The following MSI1 variants were observed in gnomAD, a reference collection of about 807,000 sequenced individuals.
MSI1 encodes the protein RNA-binding protein Musashi homolog 1.
MSI1 carries 15 observed loss-of-function variants against 54.4 expected under a neutral mutation model. The ratio of observed to expected loss-of-function variants is 0.28; its 90% CI spans 0.18 to 0.42. MSI1 has a LOEUF of 0.42. Ranked by LOEUF, MSI1 falls within the 20% of genes least tolerant of loss-of-function variation. MSI1 has a pLI of 1.00. For synonymous variants in MSI1, 200 were observed against 196.5 expected, an observed-to-expected ratio of 1.02 and a Z score of -0.15; for missense variants, 304 against 506.0, an observed-to-expected ratio of 0.60 and a Z score of 3.83.
chr12:120,345,628 G>T lies in MSI1; in HGVS notation c.1052C>A (p.Pro351His). ...ATTGGTGAAGGCTGTGGCAATCAAA[G>T]GGCCCTGAAAAGGAAAGAATTTGAC... ...STGFGHSLGG[P>H]LIATAFTNGY... Residue 351 changes from proline to histidine, a missense_variant, in exon 14 of 15, where the codon CCT becomes CAT. Around this residue, in one of 4 missense-constraint regions of MSI1, gnomAD observed 147 missense variants for 231.5 expected, o/e 0.64. Transcript: ENST00000257552. 6.2e-7 allele frequency: 1 copy of T among 1,613,902 alleles called. No homozygotes were observed.
chr12:120,348,555 CT>C (rs34646438), intron 11 of MSI1, among the ~76,000 whole-genome samples: 12 of 148,396 alleles, frequency 8.1e-5, no homozygotes, highest in African/African-American at 1.7e-4. Context: ...CCAAAAATAT[CT>C]TTTTTTTTTT....
rs1875173785 is a variant in MSI1, at chr12:120,356,878, CCGCAGG to C, written c.652+18_652+23del. 1 of 1,605,268 alleles carries C rather than the reference CCGCAGG, an allele frequency of 6.2e-7. No individual in the cohort carries two copies. Among genetic ancestry groups the C allele is most frequent in the South Asian group, 1.1e-5 (1 of 90,938 alleles). Reference sequence around the variant, plus strand: ...TGGGAGCAGTTCTGGCAGAAAGAAGCCGCAGGCGCAGGCTCGCGCATACCCAGCATG... The same window carrying C: ...TGGGAGCAGTTCTGGCAGAAAGAAGCCGCAGGCTCGCGCATACCCAGCATG... On this transcript the variant is annotated intron_variant, in intron 9 of 14. Coordinates refer to ENST00000257552, the MANE Select transcript of MSI1 (RefSeq NM_002442.4).
intron 14 of MSI1, among the ~76,000 whole-genome samples, chr12:120,343,959 C>T (rs564502039): frequency 2.0e-5 from 3 of 152,230 alleles, no homozygotes; most frequent in African/African-American, 4.8e-5. Flanking sequence ...TGGGTTCAAG[C>T]GATTCTTGTC....
chr12:120,348,101 C>CACT (rs776138711), intron 11 of MSI1, among the ~76,000 whole-genome samples: 5 of 151,034 alleles, frequency 3.3e-5, no homozygotes, highest in Non-Finnish European at 5.9e-5. Flanking sequence ...CTCCTGAGAG[C>CACT]ACCCTAAGGG....
intron 11 of MSI1, 107 bp from the exon 12 acceptor site, chr12:120,347,621 A>G (rs1436193204): frequency 3.6e-6 from 5 of 1,381,756 alleles, no homozygotes; most frequent in Non-Finnish European, 5.1e-6. Flanking sequence ...CCTACCTCAG[A>G]GGGTTCCATG....
At chr12:120,358,441 C>T (rs1308732137) in intron 7 of MSI1, among the ~76,000 whole-genome samples, 2 of 152,218 alleles carry the variant, frequency 1.3e-5, no homozygotes, top group African/African-American at 4.8e-5. Flanking sequence ...ACATACCCCA[C>T]TCCCAAAATG....
At chr12:120,360,797 C>T (rs1354425979) in intron 6 of MSI1, among the ~76,000 whole-genome samples, 1 of 150,524 alleles carries the variant, frequency 6.6e-6, no homozygotes, top group Non-Finnish European at 1.5e-5. Context: ...GTGTCTATCT[C>T]ACAGGTTGAA....
intron 12 of MSI1, 133 bp downstream of exon 12, chr12:120,347,313 G>T (rs1446040522): frequency 7.2e-6 from 8 of 1,104,504 alleles, no homozygotes; most frequent in African/African-American, 1.5e-5. Flanking sequence ...CACAGAGCAG[G>T]TAATCAGGTG....
At chr12:120,352,391 G>T (rs567118633) in intron 10 of MSI1, among the ~76,000 whole-genome samples, 21 of 152,090 alleles carry the variant, frequency 1.4e-4, no homozygotes, top group Non-Finnish European at 2.9e-4. Context: ...GTGTGTGTGT[G>T]TTGGGGGAAG....
At position 120,363,087 on chromosome 12, in the gene MSI1, T is replaced by C; in HGVS notation, c.358A>G (p.Thr120Ala). The stretch of plus-strand genomic sequence containing the variant: ...TATTGCTTCACGTCCTCCACCGTGG[T>C]GTTCACCGACAGCCCCCCCACAAAG... ...KIFVGGLSVNTTVEDVKQYFE... is the reference protein window; with the variant it reads ...KIFVGGLSVNATVEDVKQYFE... Residue 120 changes from threonine to alanine, a missense_variant, in exon 6 of 15, where the codon ACC becomes GCC. Physicochemically the swap from Thr to Ala is moderately conservative, Grantham distance 58 (BLOSUM62 0). Around this residue, in one of 4 missense-constraint regions of MSI1, gnomAD observed 105 missense variants for 230.1 expected, o/e 0.46. Transcript: ENST00000257552. 6.2e-7 allele frequency: 1 copy of C among 1,614,064 alleles called. No individual in the cohort carries two copies. Among genetic ancestry groups the C allele is most frequent in the Non-Finnish European group, 8.5e-7 (1 of 1,179,990 alleles).
chr12:120,347,556 G>C (rs778355312), intron 11 of MSI1, 42 bp from the exon 12 acceptor site: 8 of 1,611,468 alleles, frequency 5.0e-6, no homozygotes, highest in South Asian at 2.2e-5. Flanking sequence ...GCGGTGAGGG[G>C]CAGAGATGGG....
chr12:120,359,113 G>A, intron 6 of MSI1, 60 bp from the exon 7 acceptor site: 1 of 1,546,806 alleles, frequency 6.5e-7, no homozygotes, highest in South Asian at 1.2e-5. Context: ...CTACCACCAA[G>A]GAACAGGGGC....
chr12:120,340,075 C>G (rs574642603), downstream of MSI1, among the ~76,000 whole-genome samples: 1 of 147,932 alleles, frequency 6.8e-6, no homozygotes, highest in South Asian at 2.2e-4. Context: ...AGCCAACGTG[C>G]CCAGCCAAAA....
At chr12:120,351,450 G>C in intron 10 of MSI1, 50 bp from the exon 11 acceptor site, 1 of 1,575,684 alleles carries the variant, frequency 6.3e-7, no homozygotes, top group South Asian at 1.1e-5. Flanking sequence ...AGGCCCCTTG[G>C]ACATGGCCCA....
At chr12:120,347,581 A>G in intron 11 of MSI1, 67 bp from the exon 12 acceptor site, 1 of 1,589,142 alleles carries the variant, frequency 6.3e-7, no homozygotes, top group Non-Finnish European at 8.6e-7. Context: ...GGAGGCCCCT[A>G]CCTTTTAGGC....
In MSI1 at chr12:120,341,610, TA is replaced by T. The variant is rs1378437108; in HGVS notation, c.*1516del. Reference sequence around the variant, plus strand: ...GCTCAAACGTGTAGAAAATTAAAAATAAAAACCAATAAAATGCAGCTTCTCT... The same window carrying T: ...GCTCAAACGTGTAGAAAATTAAAAATAAAACCAATAAAATGCAGCTTCTCT... On this transcript the variant is annotated 3_prime_UTR_variant, in exon 15 of 15. Coordinates refer to ENST00000257552, the MANE Select transcript of MSI1 (RefSeq NM_002442.4). The T allele has an allele frequency of 2.9e-5, 4 of 138,606 alleles. No homozygotes were observed. The highest frequency in any genetic ancestry group is 6.3e-5 in the Non-Finnish European group (4 of 63,192). 8.6% of individuals were successfully genotyped at this position (138,606 alleles called of 1,614,324 possible).
chr12:120,363,179 G>A (rs754225040), intron 5 of MSI1, 44 bp from the exon 6 acceptor site: 8 of 1,558,512 alleles, frequency 5.1e-6, no homozygotes, highest in Non-Finnish European at 7.1e-6. Context: ...GAGTCCTGTG[G>A]CCTACCGCCA....
At chr12:120,365,489 G>A (rs1355705629) in intron 4 of MSI1, among the ~76,000 whole-genome samples, 1 of 152,158 alleles carries the variant, frequency 6.6e-6, no homozygotes, top group Non-Finnish European at 1.5e-5. Flanking sequence ...GGTAAATCGA[G>A]GGCCTTCCTT....
At chr12:120,355,943 C>G (rs1875080081) in intron 9 of MSI1, among the ~76,000 whole-genome samples, 1 of 152,032 alleles carries the variant, frequency 6.6e-6, no homozygotes, top group Non-Finnish European at 1.5e-5. Context: ...TTGTACTGTT[C>G]TCTTTCTGTG....
Sources: gnomAD v4.1 joint callset for allele counts (sites outside exome capture counted in the v4.1 genomes callset) on GRCh38, gnomAD v4.1.1 for gene constraint, gnomAD v4.1.1 regional missense constraint, MANE v1.5 for transcripts, NCBI Gene and HGNC (gene_info 2026-07-23, HGNC 2026-07-21) for gene names.